The following VWA8 variants were observed in gnomAD, a reference collection of about 807,000 sequenced individuals.
VWA8 encodes von Willebrand factor A domain-containing protein 8.
In VWA8, 221 loss-of-function variants were observed where a neutral mutation model predicts 241.5. The ratio of observed to expected loss-of-function variants is 0.91; its 90% CI spans 0.82 to 1.02. The LOEUF is 1.02. Among genes scored for constraint, VWA8 ranks in the 50% least tolerant of loss-of-function variants. VWA8 has a pLI of 0.00. For synonymous variants in VWA8, 852 were observed against 827.1 expected (o/e 1.03, Z -0.52); for missense variants, 2,322 against 2,328.7 (o/e 1.00, Z 0.06).
chr13:41,867,802 C>T (rs1187610757), intron 10 of VWA8, among the ~76,000 whole-genome samples: 2 of 152,020 alleles, frequency 1.3e-5, no homozygotes, highest in Non-Finnish European at 2.9e-5. Flanking sequence ...ATTGTTTGAG[C>T]TCAGGAATTC....
intron 2 of VWA8, among the ~76,000 whole-genome samples, chr13:41,941,604 A>C (rs1442293143): frequency 6.6e-6 from 1 of 152,196 alleles, no homozygotes; most frequent in Non-Finnish European, 1.5e-5. Flanking sequence ...GAAGACTAAA[A>C]TATTTTTAGC....
At chr13:41,867,588 C>CTG (rs1873371396) in intron 10 of VWA8, among the ~76,000 whole-genome samples, 1 of 152,108 alleles carries the variant, frequency 6.6e-6, no homozygotes, top group East Asian at 1.9e-4. Flanking sequence ...TATGCAGAGA[C>CTG]AAATACAGTA....
chr13:41,587,812 C>T (rs1399824456), intron 41 of VWA8, 142 bp from the exon 42 acceptor site: 1 of 954,510 alleles, frequency 1.0e-6, no homozygotes, highest in African/African-American at 1.7e-5. Flanking sequence ...ACAAGGCTGT[C>T]CTAGCAGGTA....
chr13:41,643,165 T>C (rs1225644611), intron 37 of VWA8, among the ~76,000 whole-genome samples: 1 of 152,190 alleles, frequency 6.6e-6, no homozygotes, highest in Non-Finnish European at 1.5e-5. Context: ...TCTCATACAC[T>C]TATTGTCTAA....
chr13:41,849,482 C>T (rs74977542), intron 12 of VWA8, among the ~76,000 whole-genome samples: 1,997 of 152,292 alleles, frequency 0.013, 23 homozygotes, highest in Middle Eastern at 0.048. Flanking sequence ...CGTCACTAAC[C>T]TCTGGCAAAC....
At chr13:41,733,404 T>TA (rs2045500376) in intron 21 of VWA8, among the ~76,000 whole-genome samples, 1 of 152,198 alleles carries the variant, frequency 6.6e-6, no homozygotes, top group South Asian at 2.1e-4. Context: ...TTGCCCCTTA[T>TA]TGGCCATGTG....
intron 2 of VWA8, among the ~76,000 whole-genome samples, chr13:41,913,334 G>A (rs1038436506): frequency 2.0e-5 from 3 of 152,238 alleles, no homozygotes; most frequent in Admixed American, 6.5e-5. Context: ...ATAGCTTCAA[G>A]GATATTGGTA....
intron 24 of VWA8, among the ~76,000 whole-genome samples, chr13:41,723,356 T>C (rs914611002): frequency 2.0e-5 from 3 of 152,196 alleles, no homozygotes; most frequent in Non-Finnish European, 2.9e-5. Flanking sequence ...ATCATTCCTC[T>C]TTTGTCTGTG....
At chr13:41,807,585 A>G (rs1005338232) in intron 17 of VWA8, 4 of 152,244 alleles carry the variant, frequency 2.6e-5, no homozygotes, top group Non-Finnish European at 4.4e-5. Flanking sequence ...AGGTAAAACA[A>G]AAACCATGTG....
At chr13:41,784,703 T>TATAC (rs1566456213) in intron 18 of VWA8, among the ~76,000 whole-genome samples, 3 of 47,742 alleles carry the variant, frequency 6.3e-5, no homozygotes, top group African/African-American at 1.8e-4. Flanking sequence ...TATACATATA[T>TATAC]ATATATATAT....
rs113051955 is a variant in VWA8 at position 41,729,907 on chromosome 13, C to T, written c.2503-230G>A. On this transcript the variant is annotated intron_variant, in intron 22 of 44. Transcript: ENST00000379310. ...CCAAAAGCTTCATGTAGCTAAACTG[C>T]CAACTCTACAGTTATCTTTTTATTT... Among the ~76,000 whole-genome samples, 1,398 of 151,592 alleles carry T rather than the reference C, an allele frequency of 9.2e-3. 31 individuals carry two copies. The highest frequency in any genetic ancestry group is 0.03 in the African/African-American group (1,256 of 41,312).
At chr13:41,851,588 C>T (rs569180304) in intron 12 of VWA8, among the ~76,000 whole-genome samples, 16 of 152,234 alleles carry the variant, frequency 1.1e-4, no homozygotes, top group Admixed American at 6.5e-5. Flanking sequence ...CAGGGGTTTC[C>T]ACTTTCACTT....
chr13:41,942,985 G>A (rs1043735285), intron 2 of VWA8, among the ~76,000 whole-genome samples: 2 of 152,148 alleles, frequency 1.3e-5, no homozygotes, highest in African/African-American at 4.8e-5. Flanking sequence ...GAATTCCCCA[G>A]CATTCCAAAA....
At chr13:41,923,862 A>G (rs1017614032) in intron 2 of VWA8, among the ~76,000 whole-genome samples, 2 of 152,094 alleles carry the variant, frequency 1.3e-5, no homozygotes, top group Non-Finnish European at 1.5e-5. Context: ...TGCCCAACCA[A>G]TATCTTCAGG....
At chr13:41,612,384 C>G (rs550654555) in intron 38 of VWA8, among the ~76,000 whole-genome samples, 94 of 152,338 alleles carry the variant, frequency 6.2e-4, no homozygotes, top group African/African-American at 2.2e-3. Context: ...AGCTTTAGAA[C>G]AGTCTTTCAA....
At chr13:41,932,814 C>T (rs202009542) in intron 2 of VWA8, among the ~76,000 whole-genome samples, 3 of 146,176 alleles carry the variant, frequency 2.1e-5, no homozygotes, top group South Asian at 2.1e-4. Flanking sequence ...TAGAAAAAAA[C>T]GTCCTTAACT....
intron 23 of VWA8, among the ~76,000 whole-genome samples, chr13:41,727,675 G>C (rs1461592481): frequency 6.6e-6 from 1 of 152,072 alleles, no homozygotes; most frequent in East Asian, 1.9e-4. Flanking sequence ...GAGAATCCAA[G>C]GAATAGCTAA....
intron 2 of VWA8, among the ~76,000 whole-genome samples, chr13:41,920,157 T>A (rs1451132386): frequency 6.6e-6 from 1 of 152,144 alleles, no homozygotes; most frequent in Non-Finnish European, 1.5e-5. Context: ...CATCCCAGCA[T>A]CAAGAGTAAT....
intron 37 of VWA8, among the ~76,000 whole-genome samples, chr13:41,620,822 G>C (rs2044652551): frequency 6.6e-6 from 1 of 152,136 alleles, no homozygotes; most frequent in Admixed American, 6.6e-5. Flanking sequence ...TTGAATTCTG[G>C]TGGAAGCTAT....
Sources: allele counts gnomAD v4.1 joint callset (sites outside exome capture counted in the v4.1 genomes callset), GRCh38; gene constraint gnomAD v4.1.1; transcripts MANE v1.5; gene names NCBI Gene and HGNC (gene_info 2026-07-23, HGNC 2026-07-21).